Variants in BLCAP observed in about 807,000 individuals in gnomAD.
BLCAP encodes BLCAP apoptosis inducing factor, also known as apoptosis inducing factor BLCAP.
BLCAP carries 1 observed loss-of-function variant against 5.7 expected under a neutral mutation model. The ratio of observed to expected loss-of-function variants is 0.18; its 90% CI spans 0.06 to 0.83. BLCAP has a LOEUF of 0.83. Among genes scored for constraint, BLCAP ranks in the 40% least tolerant of loss-of-function variants. The pLI is 0.71. For missense variants in BLCAP, 66 were observed against 107.6 expected, an observed-to-expected ratio of 0.61 and a Z score of 1.71; for synonymous variants, 48 against 49.4, an observed-to-expected ratio of 0.97 and a Z score of 0.11.
intron 1 of BLCAP, chr20:37,522,539 G>A (rs1294868180): frequency 9.8e-6 from 11 of 1,119,704 alleles, no homozygotes; most frequent in African/African-American, 5.0e-5. Context: ...CTGCGCCCGC[G>A]CCCGCCTCTC....
chr20:37,523,983 T>A (rs2071676725), intron 1 of BLCAP, among the ~76,000 whole-genome samples: 1 of 151,940 alleles, frequency 6.6e-6, no homozygotes, highest in Admixed American at 6.5e-5. Flanking sequence ...GGTCTTAGGA[T>A]AAGGGGCCAA....
chr20:37,522,427 G>A (rs1027763260), intron 1 of BLCAP: 3 of 1,613,864 alleles, frequency 1.9e-6, no homozygotes, highest in South Asian at 2.2e-5. Context: ...ACAGCCCATT[G>A]CGAGAAGTGA....
chr20:37,525,289 C>T (rs910169129), intron 1 of BLCAP, among the ~76,000 whole-genome samples: 4 of 152,228 alleles, frequency 2.6e-5, no homozygotes, highest in Non-Finnish European at 5.9e-5. Flanking sequence ...TCTTGATGCT[C>T]TAACCTCAGC....
intron 1 of BLCAP, among the ~76,000 whole-genome samples, chr20:37,526,271 T>TCCCCCCCCCCCCCCCCCCCCCCC (rs11477433): frequency 5.7e-4 from 71 of 125,260 alleles, no homozygotes; most frequent in South Asian, 8.0e-4. Flanking sequence ...GCAGTTAACT[T>TCCCCCCCCCCCCCCCCCCCCCCC]CCCCCCCCCA....
Position 37,519,325 on chromosome 20 carries a change from C to G in BLCAP, c.-151G>C. ...GCCGCTGTGCTCTCTGGCTGTCAGC[C>G]CGGGATCACCAAGGCAGCAGGGATC... On this transcript the variant is annotated 5_prime_UTR_variant, in exon 2 of 2. Transcript: ENST00000373537. 1.2e-6 allele frequency: 1 copy of G among 861,772 alleles called. No individual in the cohort carries two copies. Among genetic ancestry groups the G allele is most frequent in the Non-Finnish European group, 1.7e-6 (1 of 584,272 alleles). The allele number at this position is 861,772 out of a possible 1,614,324, so 53.4% of individuals were successfully genotyped here.
Position 37,518,942 on chromosome 20 carries a change from G to C in BLCAP, c.233C>G (p.Ser78Trp). ...GCCCACAACGCCGGGATCATGCGCC[G>C]ATTCTGGAAGCGGGGAATCGGAGCA... is the stretch of plus-strand genomic sequence containing the variant. ...YHCSDSPLPE[S>W]AHDPGVVGT The change falls in exon 2 of 2, where the codon TCG becomes TGG. Residue 78 changes from serine (S) to tryptophan (W), a missense_variant. Transcript: ENST00000373537. The C allele has an allele frequency of 6.2e-7, 1 of 1,614,214 alleles. No individual in the cohort carries two copies. Among genetic ancestry groups the C allele is most frequent in the Non-Finnish European group, 8.5e-7 (1 of 1,180,036 alleles).
intron 1 of BLCAP, among the ~76,000 whole-genome samples, chr20:37,527,402 G>A (rs1256793472): frequency 2.9e-5 from 4 of 139,586 alleles, no homozygotes; most frequent in African/African-American, 1.1e-4. Context: ...CTAAACTGAT[G>A]GGGACAGAAT....
chr20:37,519,788 G>T (rs1395347854), intron 1 of BLCAP, among the ~76,000 whole-genome samples: 1 of 152,264 alleles, frequency 6.6e-6, no homozygotes, highest in Non-Finnish European at 1.5e-5. Context: ...CACGTGGTAA[G>T]GACAGGGTTC....
intron 1 of BLCAP, chr20:37,522,381 C>G: frequency 6.2e-7 from 1 of 1,613,928 alleles, no homozygotes; most frequent in East Asian, 2.2e-5. Flanking sequence ...GCTGCATTTA[C>G]TGGGTAGGAT....
At chr20:37,522,598 G>GGGGGGGGGGGGGGGGGGGCGC in intron 1 of BLCAP, 1 of 864,476 alleles carries the variant, frequency 1.2e-6, no homozygotes, top group Non-Finnish European at 1.7e-6. Flanking sequence ...GCGGGGGTGG[G>GGGGGGGGGGGGGGGGGGGCGC]CACGGCAGCA....
At chr20:37,525,948 T>G (rs2071710977) in intron 1 of BLCAP, among the ~76,000 whole-genome samples, 1 of 152,162 alleles carries the variant, frequency 6.6e-6, no homozygotes, top group African/African-American at 2.4e-5. Flanking sequence ...GAGAGACCCT[T>G]GAGACTAATA....
In BLCAP at chr20:37,521,361, ACTG is replaced by A; in HGVS notation, c.-176-2014_-176-2012del. ...CGGCAGTGGCGGCGGCCTCGGCTGA[ACTG>A]CTCATCATCGGCTGGTACATCTTCC... On this transcript the variant is annotated intron_variant, in intron 1 of 1. Coordinates refer to ENST00000373537, the MANE Select transcript of BLCAP (RefSeq NM_006698.4). The surrounding 1 kb of genome is among the most constrained non-coding windows in gnomAD (Gnocchi z 4.5). The A allele has an allele frequency of 6.2e-7, 1 of 1,614,034 alleles. No homozygotes were observed. The highest frequency in any genetic ancestry group is 1.3e-5 in the African/African-American group (1 of 75,020).
intron 1 of BLCAP, among the ~76,000 whole-genome samples, chr20:37,522,080 C>T (rs2071599551): frequency 6.7e-6 from 1 of 148,154 alleles, no homozygotes; most frequent in Non-Finnish European, 1.5e-5. Flanking sequence ...AAAAATGGAT[C>T]GGGCAAAAAC....
In BLCAP at chr20:37,521,306, A is replaced by G; in HGVS notation, c.-176-1956T>C. 1 of 1,612,670 alleles carries G rather than the reference A, an allele frequency of 6.2e-7. No individual in the cohort carries two copies. Among genetic ancestry groups the G allele is most frequent in the Non-Finnish European group, 8.5e-7 (1 of 1,178,864 alleles). On this transcript the variant is annotated intron_variant, in intron 1 of 1. Coordinates refer to ENST00000373537, the MANE Select transcript of BLCAP (RefSeq NM_006698.4). The surrounding 1 kb of genome is among the most constrained non-coding windows in gnomAD (Gnocchi z 4.5). ...GGATCTCGGCAAACCCTCTTTCTCG[A>G]CCACCCACCTACCATTCTTGGAACC...
At chr20:37,524,821 C>T (rs2071691762) in intron 1 of BLCAP, among the ~76,000 whole-genome samples, 1 of 152,132 alleles carries the variant, frequency 6.6e-6, no homozygotes, top group Non-Finnish European at 1.5e-5. Context: ...AGGTGCAGAT[C>T]CCGGTTCTGG....
At chr20:37,527,514 C>A (rs1005451093) in intron 1 of BLCAP, 3 of 152,318 alleles carry the variant, frequency 2.0e-5, no homozygotes, top group African/African-American at 7.2e-5. Context: ...CTGTCTCATC[C>A]TGCAAGGGCG....
At position 37,518,807 on chromosome 20, in the gene BLCAP, G is replaced by T; in HGVS notation, c.*104C>A. The T allele has an allele frequency of 6.8e-7, 1 of 1,476,470 alleles. No individual in the cohort carries two copies. Among genetic ancestry groups the T allele is most frequent in the South Asian group, 1.3e-5 (1 of 74,846 alleles). The allele number at this position is 1,476,470 out of a possible 1,614,324, so 91.5% of individuals were successfully genotyped here. On this transcript the variant is annotated 3_prime_UTR_variant, in exon 2 of 2. Coordinates refer to ENST00000373537, the MANE Select transcript of BLCAP (RefSeq NM_006698.4). ...GCCAAAAAGGCGCCGTCAGGAATGT[G>T]ACACCCGCGAGGCTGCGGGATTTGA...
At chr20:37,519,626 G>A (rs1402660298) in intron 1 of BLCAP, among the ~76,000 whole-genome samples, 3 of 152,120 alleles carry the variant, frequency 2.0e-5, no homozygotes, top group South Asian at 4.1e-4. Flanking sequence ...TCTTTGGCAC[G>A]GTTTCACACA....
chr20:37,522,234 A>G, intron 1 of BLCAP: 1 of 530,526 alleles, frequency 1.9e-6, no homozygotes, highest in Non-Finnish European at 3.2e-6. Flanking sequence ...CGCTTGGTGT[A>G]AAAAGAGATA....
Sources: gnomAD v4.1 joint callset for allele counts (sites outside exome capture counted in the v4.1 genomes callset) on GRCh38, gnomAD v4.1.1 for gene constraint, Gnocchi (gnomAD v3.1) non-coding constraint, MANE v1.5 for transcripts, NCBI Gene and HGNC (gene_info 2026-07-23, HGNC 2026-07-21) for gene names.